The following DST variants were observed in gnomAD, a reference collection of about 807,000 sequenced individuals.
DST encodes the protein dystonin.
DST carries 253 observed loss-of-function variants against 875.2 expected under a neutral mutation model. The ratio of observed to expected loss-of-function variants is 0.29; its 90% CI spans 0.26 to 0.32. The LOEUF (loss-of-function observed/expected upper bound fraction) is 0.32. Ranked by LOEUF, DST falls within the 10% of genes least tolerant of loss-of-function variation. The pLI is 1.00. For synonymous variants in DST, 3,124 were observed against 3,197.1 expected (o/e 0.98, Z 0.77); for missense variants, 8,287 against 9,111.6 (o/e 0.91, Z 3.68).
intron 4 of DST, among the ~76,000 whole-genome samples, chr6:56,795,787 G>T (rs2099738819): frequency 6.6e-6 from 1 of 152,130 alleles, no homozygotes; most frequent in African/African-American, 2.4e-5. Flanking sequence ...TTTTGTAATA[G>T]CAATAATGAA....
At position 56,606,722 on chromosome 6, in the gene DST, G is replaced by C. The variant is rs930331396; in HGVS notation, c.7906C>G (p.Leu2636Val). The part of the protein sequence containing the change: ...LLLDGDDRDC[L>V]HPEDYDTLQE... ...AGTGTGTCGTAGTCCTCAGGGTGCAGGCAATCACGATCATCACCATCAAGA... is the reference window on the plus strand; with the variant it reads ...AGTGTGTCGTAGTCCTCAGGGTGCACGCAATCACGATCATCACCATCAAGA... Residue 2636 changes from leucine to valine, a missense_variant, in exon 40 of 104, where the codon CTG (leucine) becomes GTG (valine). Physicochemically the swap from Leu to Val is conservative, Grantham distance 32 (BLOSUM62 1). Coordinates refer to ENST00000680361, the MANE Select transcript of DST (RefSeq NM_001374736.1). 2 of 1,613,460 alleles carry C rather than the reference G, an allele frequency of 1.2e-6. No individual in the cohort carries two copies. Among genetic ancestry groups the C allele is most frequent in the Admixed American group, 3.3e-5 (2 of 59,936 alleles).
intron 74 of DST, 113 bp from the exon 75 acceptor site, chr6:56,508,868 C>CT: frequency 1.2e-6 from 1 of 841,702 alleles, no homozygotes; most frequent in Non-Finnish European, 1.8e-6. Flanking sequence ...GTATCTAAAA[C>CT]TGGACCAAGT....
At chr6:56,581,876 A>C (rs189504859) in intron 49 of DST, among the ~76,000 whole-genome samples, 1 of 152,226 alleles carries the variant, frequency 6.6e-6, no homozygotes, top group Admixed American at 6.5e-5. Context: ...CTGTACCTAT[A>C]CTTTCTCCTG....
At chr6:56,742,187 G>A (rs1333782855) in intron 4 of DST, 2 of 830,730 alleles carry the variant, frequency 2.4e-6, no homozygotes, top group Non-Finnish European at 1.8e-6. Context: ...CTGAACTATC[G>A]CCATGCAAAC....
chr6:56,602,388 G>C (rs2098454274), intron 43 of DST, among the ~76,000 whole-genome samples: 1 of 151,888 alleles, frequency 6.6e-6, no homozygotes, highest in African/African-American at 2.4e-5. Context: ...GAGGTTTGTA[G>C]CCTAGGAGCA....
chr6:56,684,961 T>C (rs2099173988), intron 9 of DST, among the ~76,000 whole-genome samples: 2 of 152,114 alleles, frequency 1.3e-5, no homozygotes, highest in Admixed American at 1.3e-4. Context: ...ACGAGACCAG[T>C]TGTACCTCCT....
In DST at chr6:56,615,556, G is replaced by A. The variant is rs760364782; in HGVS notation, c.4930-1072C>T. On this transcript the variant is annotated intron_variant, in intron 36 of 103. Transcript: ENST00000680361. ...AGAGGCTAGAAATTCCTGTCATCAG[G>A]GGCTCAGATACTTCTAACAGTTTAA... is the stretch of plus-strand genomic sequence containing the variant. The A allele has an allele frequency of 2.5e-6, 4 of 1,614,052 alleles. No homozygotes were observed. Among genetic ancestry groups the A allele is most frequent in the East Asian group, 2.2e-5 (1 of 44,878 alleles).
At position 56,677,535 on chromosome 6, in the gene DST, G is replaced by C. The variant is rs554371127; in HGVS notation, c.1048-6728C>G. Among the ~76,000 whole-genome samples, 7 of 152,090 alleles carry C rather than the reference G, an allele frequency of 4.6e-5. No individual in the cohort carries two copies. The South Asian group carries it at 1.5e-3, about 32-fold the overall frequency. Reference sequence around the variant, plus strand: ...GGTCTCTTTTTGTTGTCCACGAACTGCTGGCTTCAAGTGATCCTCCCACAT... The same window carrying C: ...GGTCTCTTTTTGTTGTCCACGAACTCCTGGCTTCAAGTGATCCTCCCACAT... On this transcript the variant is annotated intron_variant, in intron 9 of 103. Transcript: ENST00000680361.
chr6:56,712,368 C>T (rs1189571185), intron 5 of DST, among the ~76,000 whole-genome samples: 1 of 152,110 alleles, frequency 6.6e-6, no homozygotes, highest in African/African-American at 2.4e-5. Context: ...TTTTCCTACT[C>T]CTCCTACTTT....
At chr6:56,598,774 G>A (rs994904286) in intron 45 of DST, 65 bp from the exon 46 acceptor site, 77 of 1,003,196 alleles carry the variant, frequency 7.7e-5, no homozygotes, top group African/African-American at 9.9e-5. Context: ...TTCCAGAGTT[G>A]TAATTCTAAA....
intron 61 of DST, among the ~76,000 whole-genome samples, chr6:56,550,150 T>TGGTTG: frequency 6.6e-6 from 1 of 152,306 alleles, no homozygotes; most frequent in Middle Eastern, 3.4e-3. Context: ...ATGGAATTAG[T>TGGTTG]GGTTGTGTGA....
At chr6:56,559,550 T>C (rs770112800) in intron 58 of DST, among the ~76,000 whole-genome samples, 3 of 152,198 alleles carry the variant, frequency 2.0e-5, no homozygotes, top group Non-Finnish European at 2.9e-5. Context: ...TATACTTATA[T>C]AGCACTTGAT....
chr6:56,933,412 T>G (rs1448188310), intron 2 of DST, among the ~76,000 whole-genome samples: 1 of 152,238 alleles, frequency 6.6e-6, no homozygotes, highest in African/African-American at 2.4e-5. Context: ...TCTTTCAGCA[T>G]AAGCTGCACT....
chr6:56,573,630 CTG>C (rs753670440), intron 51 of DST, 47 bp downstream of exon 51: 3 of 1,403,702 alleles, frequency 2.1e-6, no homozygotes, highest in Non-Finnish European at 3.0e-6. Flanking sequence ...GCTTATAAAA[CTG>C]TTTTTTTAAA....
intron 4 of DST, among the ~76,000 whole-genome samples, chr6:56,781,832 C>G (rs1029456991): frequency 5.3e-5 from 8 of 152,058 alleles, no homozygotes; most frequent in African/African-American, 1.9e-4. Context: ...CAGTTTTTGC[C>G]CATTCAGTAT....
chr6:56,948,867 C>T (rs1820968418), intron 2 of DST, among the ~76,000 whole-genome samples: 1 of 152,192 alleles, frequency 6.6e-6, no homozygotes, highest in South Asian at 2.1e-4. Context: ...GGTGCCTCTA[C>T]AGCATGACAC....
At chr6:56,646,982 A>G (rs1246218891) in intron 13 of DST, among the ~76,000 whole-genome samples, 1 of 152,194 alleles carries the variant, frequency 6.6e-6, no homozygotes, top group African/African-American at 2.4e-5. Context: ...TGCTAATGCA[A>G]TTATCTGGCA....
At chr6:56,810,690 G>T (rs1398932036) in intron 4 of DST, among the ~76,000 whole-genome samples, 3 of 150,540 alleles carry the variant, frequency 2.0e-5, no homozygotes, top group Non-Finnish European at 4.4e-5. Flanking sequence ...AAAGGCAAAT[G>T]ATTTGCTCAG....
At chr6:56,948,486 G>A (rs1260962636) in intron 2 of DST, among the ~76,000 whole-genome samples, 1 of 152,186 alleles carries the variant, frequency 6.6e-6, no homozygotes, top group Non-Finnish European at 1.5e-5. Flanking sequence ...AGTGGGATTG[G>A]AGCAGGGCAG....
Sources: allele counts gnomAD v4.1 joint callset (sites outside exome capture counted in the v4.1 genomes callset), GRCh38; gene constraint gnomAD v4.1.1; transcripts MANE v1.5; gene names NCBI Gene and HGNC (gene_info 2026-07-23, HGNC 2026-07-21).